Variants in ANK3 observed in about 807,000 individuals in gnomAD.
ANK3 encodes ankyrin-3.
ANK3 carries 57 observed loss-of-function variants against 370.9 expected under a neutral mutation model. The ratio of observed to expected loss-of-function variants is 0.15; its 90% CI spans 0.12 to 0.19. ANK3 has a LOEUF of 0.19. Ranked by LOEUF, ANK3 falls within the 10% of genes least tolerant of loss-of-function variation. The pLI is 1.00. For missense variants in ANK3, 4,439 were observed against 5,302.1 expected, an observed-to-expected ratio of 0.84 and a Z score of 5.06; for synonymous variants, 1,929 against 1,946.3, an observed-to-expected ratio of 0.99 and a Z score of 0.23.
intron 2 of ANK3, among the ~76,000 whole-genome samples, chr10:60,480,477 G>A (rs1466024571): frequency 6.6e-6 from 1 of 152,054 alleles, no homozygotes; most frequent in Non-Finnish European, 1.5e-5. Flanking sequence ...GAAAGAAAAA[G>A]GGATGTGAAA....
chr10:60,625,411 A>G (rs982400596), intron 1 of ANK3, among the ~76,000 whole-genome samples: 1 of 152,216 alleles, frequency 6.6e-6, no homozygotes, highest in Non-Finnish European at 1.5e-5. Context: ...CATTGTCCCT[A>G]GCTAATTTCT....
intron 2 of ANK3, among the ~76,000 whole-genome samples, chr10:60,487,656 AC>A (rs2075383425): frequency 6.6e-6 from 1 of 152,088 alleles, no homozygotes; most frequent in Non-Finnish European, 1.5e-5. Context: ...GTCTCTAGAA[AC>A]TAGACCTAAG....
At chr10:60,585,121 C>T (rs1382253204) in intron 2 of ANK3, among the ~76,000 whole-genome samples, 3 of 152,316 alleles carry the variant, frequency 2.0e-5, no homozygotes, top group Non-Finnish European at 4.4e-5. Flanking sequence ...TTAGTACCTT[C>T]AAGCGAGATC....
rs549796364 is a variant in ANK3 at position 60,181,526 on chromosome 10, G to A, written c.2086-99C>T. Reference sequence around the variant, plus strand: ...TTTGTGAATTCTAAGATGGTAAGCCGAGAATTTCTATGTTAGAAAAAACCT... The same window carrying A: ...TTTGTGAATTCTAAGATGGTAAGCCAAGAATTTCTATGTTAGAAAAAACCT... On this transcript the variant is annotated intron_variant, in intron 17 of 43. Transcript: ENST00000280772. 235 of 1,141,382 alleles carry A rather than the reference G, an allele frequency of 2.1e-4. 1 individual carries two copies. The South Asian group carries it at 2.9e-3, about 14-fold the overall frequency. The allele number at this position is 1,141,382 out of a possible 1,614,324, so 70.7% of individuals were successfully genotyped here. A position where few individuals can be genotyped will look rare whatever the true frequency, so the allele number is the denominator to read the frequency against.
chr10:60,458,958 A>G (rs566056722), intron 2 of ANK3, among the ~76,000 whole-genome samples: 23 of 152,174 alleles, frequency 1.5e-4, no homozygotes, highest in South Asian at 6.2e-4. Flanking sequence ...TGCTCCTAAC[A>G]AAAAATGTTG....
intron 1 of ANK3, among the ~76,000 whole-genome samples, chr10:60,668,356 G>T (rs966347671): frequency 6.6e-6 from 1 of 151,494 alleles, no homozygotes; most frequent in African/African-American, 2.5e-5. Context: ...CTATTCATAG[G>T]CCTGGGGACC....
chr10:60,102,846 G>A (rs2132074320), intron 28 of ANK3, among the ~76,000 whole-genome samples: 1 of 152,240 alleles, frequency 6.6e-6, no homozygotes, highest in East Asian at 1.9e-4. Flanking sequence ...GGTTGAAAAA[G>A]TAAACATTTA....
intron 8 of ANK3, among the ~76,000 whole-genome samples, chr10:60,217,249 C>T (rs529297024): frequency 1.2e-4 from 18 of 151,674 alleles, no homozygotes; most frequent in African/African-American, 3.6e-4. Flanking sequence ...GGGGTTTTCA[C>T]GTCTTTATCT....
chr10:60,109,317 A>G (rs922275996), intron 26 of ANK3, among the ~76,000 whole-genome samples: 4 of 152,134 alleles, frequency 2.6e-5, no homozygotes, highest in African/African-American at 4.8e-5. Context: ...GCTCAAATGG[A>G]AGGAATAAGG....
At chr10:60,050,364 A>G (rs968966247) in intron 42 of ANK3, among the ~76,000 whole-genome samples, 3 of 152,158 alleles carry the variant, frequency 2.0e-5, no homozygotes, top group African/African-American at 7.2e-5. Context: ...ATGTTTCCAG[A>G]GTCTTAGAAA....
At chr10:60,642,738 C>G (rs1464599717) in intron 1 of ANK3, among the ~76,000 whole-genome samples, 13 of 152,080 alleles carry the variant, frequency 8.5e-5, no homozygotes, top group South Asian at 6.2e-4. Flanking sequence ...TGTAACTAAC[C>G]TGCACATTGT....
At chr10:60,030,091 G>C (rs1050859194) in intron 43 of ANK3, among the ~76,000 whole-genome samples, 3 of 151,596 alleles carry the variant, frequency 2.0e-5, no homozygotes, top group Admixed American at 1.3e-4. Context: ...CCTCCAGAGA[G>C]CCTTGCTTAT....
At chr10:60,547,778 G>A (rs1241899105) in intron 2 of ANK3, among the ~76,000 whole-genome samples, 1 of 152,020 alleles carries the variant, frequency 6.6e-6, no homozygotes, top group Non-Finnish European at 1.5e-5. Flanking sequence ...TACATTTTTA[G>A]GAAGAGGATA....
At chr10:60,183,830 C>T (rs1233560771) in intron 17 of ANK3, among the ~76,000 whole-genome samples, 2 of 150,626 alleles carry the variant, frequency 1.3e-5, no homozygotes, top group East Asian at 3.9e-4. Context: ...TGCACTCCAG[C>T]CTGGGCAACA....
At chr10:60,360,753 G>A (rs969968002) in intron 1 of ANK3, among the ~76,000 whole-genome samples, 1 of 151,922 alleles carries the variant, frequency 6.6e-6, no homozygotes, top group African/African-American at 2.4e-5. Context: ...AGGATATCCC[G>A]GGAGACAGGA....
In ANK3 at chr10:60,082,688, T is replaced by G. The variant is rs746218623; in HGVS notation, c.4250A>C (p.Glu1417Ala). Residue 1417 changes from glutamate (E) to alanine (A), a missense_variant, in exon 34 of 44, where the codon GAA becomes GCA. Coordinates refer to ENST00000280772, the MANE Select transcript of ANK3 (RefSeq NM_020987.5). ...AGGCAGTCCTTTTGTTGTCTTTGGT[T>G]CTTTCAGAAAAGACAGACGACCACA... ...EPCGRLSFLK[E>A]PKTTKGLPQT... The G allele has an allele frequency of 6.2e-7, 1 of 1,614,108 alleles. No individual in the cohort carries two copies. The highest frequency in any genetic ancestry group is 2.2e-5 in the East Asian group (1 of 44,876).
At chr10:60,444,654 T>C (rs544988608) in intron 2 of ANK3, among the ~76,000 whole-genome samples, 1 of 152,274 alleles carries the variant, frequency 6.6e-6, no homozygotes, top group South Asian at 2.1e-4. Flanking sequence ...AATTTCATCT[T>C]GTGGCTAATT....
intron 2 of ANK3, among the ~76,000 whole-genome samples, chr10:60,487,720 AT>A (rs10684114): frequency 8.1e-4 from 117 of 144,926 alleles, no homozygotes; most frequent in South Asian, 2.8e-3. Context: ...ATGATGTTGC[AT>A]TTTTTTTTTT....
At chr10:60,213,615 C>A in intron 8 of ANK3, 105 bp from the exon 9 acceptor site, 1 of 580,662 alleles carries the variant, frequency 1.7e-6, no homozygotes, top group Non-Finnish European at 2.8e-6. Flanking sequence ...TGTGGTCAAG[C>A]GGGCTTCAAA....
Sources: allele counts gnomAD v4.1 joint callset (sites outside exome capture counted in the v4.1 genomes callset), GRCh38; gene constraint gnomAD v4.1.1; transcripts MANE v1.5; gene names NCBI Gene and HGNC (gene_info 2026-07-23, HGNC 2026-07-21).